QSOX2: variants seen among roughly 807,000 people sequenced by gnomAD.
The protein encoded by QSOX2 is quiescin sulfhydryl oxidase 2.
QSOX2 carries 46 observed loss-of-function variants against 61.7 expected under a neutral mutation model. The observed-to-expected ratio is 0.75, with a 90% confidence interval of 0.59 to 0.95. QSOX2 has a LOEUF of 0.95. Among genes scored for constraint, QSOX2 ranks in the 40% least tolerant of loss-of-function variants. QSOX2 has a pLI of 0.00. For synonymous variants in QSOX2, 383 were observed against 388.4 expected, an observed-to-expected ratio of 0.99 and a Z score of 0.16; for missense variants, 879 against 918.9, an observed-to-expected ratio of 0.96 and a Z score of 0.56.
chr9:136,216,873 G>A, intron 8 of QSOX2, 151 bp from the exon 9 acceptor site: 1 of 993,302 alleles, frequency 1.0e-6, no homozygotes, highest in Non-Finnish European at 1.5e-6. Context: ...TTCTCTGATG[G>A]GAGGCAGGAA....
intron 1 of QSOX2, among the ~76,000 whole-genome samples, chr9:136,227,787 C>T (rs963555097): frequency 6.6e-6 from 1 of 151,942 alleles, no homozygotes; most frequent in Admixed American, 6.5e-5. Flanking sequence ...CCAGCCTGGG[C>T]AACATGGTAA....
intron 1 of QSOX2, among the ~76,000 whole-genome samples, chr9:136,228,628 G>C (rs990520916): frequency 1.3e-5 from 2 of 152,210 alleles, no homozygotes; most frequent in African/African-American, 4.8e-5. Flanking sequence ...CAGTGTGGCA[G>C]GGCACGCCGC....
chr9:136,213,623 C>T (rs1194448483), intron 10 of QSOX2, among the ~76,000 whole-genome samples: 3 of 151,284 alleles, frequency 2.0e-5, no homozygotes, highest in Non-Finnish European at 4.4e-5. Flanking sequence ...AGGGCCAAAA[C>T]AGATTTTCAG....
At chr9:136,210,831 T>C (rs912156882) in intron 11 of QSOX2, 2 of 984,856 alleles carry the variant, frequency 2.0e-6, no homozygotes, top group African/African-American at 1.7e-5. Context: ...CCCTATTTAA[T>C]TATTTTTTTT....
rs773114261 is a variant in QSOX2, at chr9:136,226,902, G to A, written c.329-28C>T. 6 of 1,601,046 alleles carry A rather than the reference G, an allele frequency of 3.7e-6. No homozygotes were observed. In the South Asian group the frequency reaches 6.6e-5, roughly 18 times the overall value. On this transcript the variant is annotated intron_variant, in intron 1 of 11. Transcript: ENST00000358701. The stretch of plus-strand genomic sequence containing the variant: ...GAAAAGCAGGAGCATGACCTTCAGT[G>A]TGGTGAGCACTGGACTCCCGGGAAG...
At chr9:136,225,817 A>T (rs1486604728) in intron 2 of QSOX2, among the ~76,000 whole-genome samples, 1 of 152,280 alleles carries the variant, frequency 6.6e-6, no homozygotes, top group Non-Finnish European at 1.5e-5. Flanking sequence ...GATCTGGGCA[A>T]TGTCCCATTA....
At position 136,245,451 on chromosome 9, in the gene QSOX2, G is replaced by T. The variant is rs782644950; in HGVS notation, c.328+25C>A. The T allele has an allele frequency of 2.9e-5, 46 of 1,568,708 alleles. No homozygotes were observed. In the Middle Eastern group the frequency reaches 5.7e-4, roughly 19 times the overall value. On this transcript the variant is annotated intron_variant, in intron 1 of 11. Transcript: ENST00000358701. ...AGGCCGCGGTCCCGGGGGTCGGGGG[G>T]TCCCCGCGCGGGGGCGCGCCTCACC...
chr9:136,221,678 G>T lies in QSOX2; in HGVS notation c.821+118C>A. The T allele has an allele frequency of 9.0e-7, 1 of 1,112,832 alleles. No homozygotes were observed. Among genetic ancestry groups the T allele is most frequent in the Non-Finnish European group, 1.2e-6 (1 of 805,934 alleles). The allele number at this position is 1,112,832 out of a possible 1,614,324, so 68.9% of individuals were successfully genotyped here. On this transcript the variant is annotated intron_variant, in intron 6 of 11. Coordinates refer to ENST00000358701, the MANE Select transcript of QSOX2 (RefSeq NM_181701.4). The surrounding 1 kb of genome is among the most constrained non-coding windows in gnomAD (Gnocchi z 4.5). ...CCAGGGCCCAAATCTGCCCAGGGAA[G>T]CGAGGCGGAGGGGCCAGGGCTCCCC...
intron 8 of QSOX2, among the ~76,000 whole-genome samples, chr9:136,218,450 G>A (rs910846003): frequency 6.6e-5 from 10 of 152,124 alleles, no homozygotes; most frequent in Non-Finnish European, 1.3e-4. Flanking sequence ...TCACACCCCC[G>A]CCCCTCTCTA....
At position 136,222,819 on chromosome 9, in the gene QSOX2, G is replaced by T. The variant is rs958781368; in HGVS notation, c.676-878C>A. On this transcript the variant is annotated intron_variant, in intron 5 of 11. Transcript: ENST00000358701. The surrounding 1 kb of genome is among the most constrained non-coding windows in gnomAD (Gnocchi z 6.9). ...ACACCTGCCTCTGGTCTGCGTGTGT[G>T]GAGGCCCCGCCCGAGACAGCAAGGG... Among the ~76,000 whole-genome samples, 4 of 152,208 alleles carry T rather than the reference G, an allele frequency of 2.6e-5. No homozygotes were observed. The highest frequency in any genetic ancestry group is 1.3e-4 in the Admixed American group (2 of 15,288).
intron 1 of QSOX2, among the ~76,000 whole-genome samples, chr9:136,233,809 C>A (rs1168465705): frequency 6.6e-6 from 1 of 152,248 alleles, no homozygotes; most frequent in Non-Finnish European, 1.5e-5. Flanking sequence ...ACTCTCAACA[C>A]TCGAGACGGT....
intron 1 of QSOX2, among the ~76,000 whole-genome samples, chr9:136,235,255 G>A (rs947949040): frequency 2.0e-5 from 3 of 152,240 alleles, no homozygotes; most frequent in Non-Finnish European, 4.4e-5. Context: ...CACACCCCCC[G>A]GAGGAGGGCC....
chr9:136,210,677 G>C, intron 11 of QSOX2: 1 of 985,240 alleles, frequency 1.0e-6, no homozygotes, highest in Non-Finnish European at 1.2e-6. Context: ...CTAACACAGT[G>C]GATTAAATAA....
intron 1 of QSOX2, among the ~76,000 whole-genome samples, chr9:136,242,388 T>C (rs1276349838): frequency 6.6e-6 from 1 of 152,194 alleles, no homozygotes; most frequent in African/African-American, 2.4e-5. Flanking sequence ...TGGCGGGCGC[T>C]GGCCAGGGGG....
rs1029163567 is a variant in QSOX2 at position 136,207,833 on chromosome 9, C to T, written c.*895G>A. The T allele has an allele frequency of 2.6e-5, 4 of 152,244 alleles. No individual in the cohort carries two copies. Among genetic ancestry groups the T allele is most frequent in the Admixed American group, 6.5e-5 (1 of 15,290 alleles). 9.4% of individuals were successfully genotyped at this position (152,244 alleles called of 1,614,324 possible). A position where few individuals can be genotyped will look rare whatever the true frequency, so the allele number is the denominator to read the frequency against. ...CCATCCCCCAACAGAGGGGCCTGTG[C>T]TCTAAGCACTGCCCGCTGAGCCCAG... On this transcript the variant is annotated 3_prime_UTR_variant, in exon 12 of 12. Transcript: ENST00000358701.
chr9:136,220,024 G>T (rs7849585), intron 6 of QSOX2, among the ~76,000 whole-genome samples: 69,884 of 152,004 alleles, frequency 0.46, 18,534 homozygotes, highest in African/African-American at 0.75. Flanking sequence ...TTTATCTTTT[G>T]TATTTTCACT....
chr9:136,223,370 T>C lies in QSOX2; in HGVS notation c.675+393A>G, dbSNP rs1193604583. 1.3e-5 allele frequency among the ~76,000 whole-genome samples: 2 copies of C among 152,170 alleles called. No homozygotes were observed. The highest frequency in any genetic ancestry group is 6.5e-5 in the Admixed American group (1 of 15,272). On this transcript the variant is annotated intron_variant, in intron 5 of 11. Coordinates refer to ENST00000358701, the MANE Select transcript of QSOX2 (RefSeq NM_181701.4). This position sits in a 1 kb window ranked among gnomAD's most constrained non-coding sequence, Gnocchi z 4.4. ...GATAGAAACGACGTTTTACAGAATC[T>C]TGGATTTGGCAAAAATGTTGAGAGT...
rs1400935482 is a variant in QSOX2, at chr9:136,207,237, C to A, written c.*1491G>T. On this transcript the variant is annotated 3_prime_UTR_variant, in exon 12 of 12. Transcript: ENST00000358701. The stretch of plus-strand genomic sequence containing the variant: ...TTTTTTTCTCAAGCGACAACAATCA[C>A]ATCAATATTACATGGTCTTATGAAT... 1 of 152,266 alleles carries A rather than the reference C, an allele frequency of 6.6e-6. No homozygotes were observed. The highest frequency in any genetic ancestry group is 2.4e-5 in the African/African-American group (1 of 41,418). The allele number at this position is 152,266 out of a possible 1,614,324, so 9.4% of individuals were successfully genotyped here. A position where few individuals can be genotyped will look rare whatever the true frequency, so the allele number is the denominator to read the frequency against.
At chr9:136,235,516 C>T (rs957249541) in intron 1 of QSOX2, among the ~76,000 whole-genome samples, 1 of 152,236 alleles carries the variant, frequency 6.6e-6, no homozygotes, top group Admixed American at 6.5e-5. Flanking sequence ...GGGCTCGGGC[C>T]GGTTCACAAG....
Sources: gnomAD v4.1 joint callset for allele counts (sites outside exome capture counted in the v4.1 genomes callset) on GRCh38, gnomAD v4.1.1 for gene constraint, Gnocchi (gnomAD v3.1) non-coding constraint, MANE v1.5 for transcripts, NCBI Gene and HGNC (gene_info 2026-07-23, HGNC 2026-07-21) for gene names.